The following TUNAR variants were observed in gnomAD, a reference collection of about 807,000 sequenced individuals.
TUNAR encodes the protein protein TUNAR.
chr14:95,905,994 A>G (rs1223106273), intron 2 of TUNAR, among the ~76,000 whole-genome samples: 1 of 152,200 alleles, frequency 6.6e-6, no homozygotes, highest in Non-Finnish European at 1.5e-5. Context: ...TTTGGCCATT[A>G]GAAGTTCCTT....
chr14:95,877,471 G>A (rs2139648553), intron 2 of TUNAR, among the ~76,000 whole-genome samples: 1 of 152,308 alleles, frequency 6.6e-6, no homozygotes, highest in African/African-American at 2.4e-5. Flanking sequence ...CTTAGCATTT[G>A]GGGGCAACAA....
rs1889241763 is a variant in TUNAR, at chr14:95,895,110, G to C, written c.12+17933G>C. The stretch of plus-strand genomic sequence containing the variant: ...GTTGTCTGCCAGGTAAGTGCAGGAA[G>C]TGCAGAACCTGCCTTGAAGCTGGAC... On this transcript the variant is annotated intron_variant, in intron 2 of 2. Coordinates refer to ENST00000678517, the Ensembl canonical transcript of TUNAR. This position sits in a 1 kb window ranked among gnomAD's most constrained non-coding sequence, Gnocchi z 4.5. Among the ~76,000 whole-genome samples the C allele has an allele frequency of 6.6e-6, 1 of 152,224 alleles. No homozygotes were observed. The highest frequency in any genetic ancestry group is 1.5e-5 in the Non-Finnish European group (1 of 68,036).
At chr14:95,920,497 G>A (rs1889679051) in intron 2 of TUNAR, among the ~76,000 whole-genome samples, 1 of 152,120 alleles carries the variant, frequency 6.6e-6, no homozygotes, top group Non-Finnish European at 1.5e-5. Context: ...ACCCACTGTA[G>A]GCCTATCTAG....
Position 95,909,786 on chromosome 14 carries a change from A to G in TUNAR, c.13-12995A>G, listed in dbSNP as rs373048682. On this transcript the variant is annotated intron_variant, in intron 2 of 2. Transcript: ENST00000678517. ...CAGGCCTGTCCTTCCAAAGGAGCTC[A>G]GTTTAGTGGGGAAAGACCCAAATCA... Among the ~76,000 whole-genome samples the G allele has an allele frequency of 2.6e-5, 4 of 152,192 alleles. No individual in the cohort carries two copies. In the East Asian group the frequency reaches 5.8e-4, roughly 22 times the overall value.
chr14:95,883,507 G>A (rs370286525), intron 2 of TUNAR, among the ~76,000 whole-genome samples: 12 of 152,372 alleles, frequency 7.9e-5, no homozygotes, highest in African/African-American at 2.9e-4. Context: ...CATTGAGGCT[G>A]CAGTGGTGGA....
chr14:95,915,504 C>T (rs1185089322), intron 2 of TUNAR, among the ~76,000 whole-genome samples: 1 of 152,202 alleles, frequency 6.6e-6, no homozygotes, highest in Non-Finnish European at 1.5e-5. Context: ...AGACCCATCC[C>T]CATGGCAGCT....
At chr14:95,918,040 G>A (rs567087762) in intron 2 of TUNAR, among the ~76,000 whole-genome samples, 70 of 152,346 alleles carry the variant, frequency 4.6e-4, no homozygotes, top group African/African-American at 1.7e-3. Flanking sequence ...ATAACCTTTA[G>A]CAAGCTTTAT....
intron 2 of TUNAR, among the ~76,000 whole-genome samples, chr14:95,884,079 G>T (rs768332624): frequency 3.3e-5 from 5 of 151,980 alleles, no homozygotes; most frequent in Non-Finnish European, 7.4e-5. Context: ...ACCCACCGCC[G>T]TGCTGTCCAA....
At chr14:95,905,436 T>C (rs556824451) in intron 2 of TUNAR, among the ~76,000 whole-genome samples, 11 of 152,310 alleles carry the variant, frequency 7.2e-5, no homozygotes, top group African/African-American at 2.4e-4. Flanking sequence ...TCAGCTATTT[T>C]CTTAAATGTC....
At chr14:95,910,252 C>G (rs1285311906) in intron 2 of TUNAR, among the ~76,000 whole-genome samples, 1 of 152,166 alleles carries the variant, frequency 6.6e-6, no homozygotes, top group African/African-American at 2.4e-5. Context: ...CACGGTGGCT[C>G]ACGCCTGTAA....
intron 2 of TUNAR, among the ~76,000 whole-genome samples, chr14:95,915,286 G>T (rs1268498387): frequency 6.6e-6 from 1 of 152,204 alleles, no homozygotes; most frequent in African/African-American, 2.4e-5. Context: ...ATATGGGGTA[G>T]TTCATGGGAT....
intron 2 of TUNAR, among the ~76,000 whole-genome samples, chr14:95,889,982 CAA>C: frequency 7.0e-6 from 1 of 143,478 alleles, no homozygotes; most frequent in African/African-American, 2.6e-5. Flanking sequence ...AAAAAACTGA[CAA>C]ATGATTCTAA....
intron 2 of TUNAR, among the ~76,000 whole-genome samples, chr14:95,919,146 G>A (rs1306973336): frequency 6.6e-6 from 1 of 152,178 alleles, no homozygotes; most frequent in Non-Finnish European, 1.5e-5. Context: ...TTTGTGCAAA[G>A]TTTGAGCTGT....
At chr14:95,916,362 A>C (rs773077491) in intron 2 of TUNAR, among the ~76,000 whole-genome samples, 1 of 152,308 alleles carries the variant, frequency 6.6e-6, no homozygotes, top group East Asian at 1.9e-4. Flanking sequence ...AACTTCCCAC[A>C]TAAGTGGGAA....
chr14:95,917,053 TAAAC>T (rs951421011), intron 2 of TUNAR, among the ~76,000 whole-genome samples: 15 of 152,368 alleles, frequency 9.8e-5, no homozygotes, highest in Admixed American at 5.9e-4. Context: ...ATTTTTTTGA[TAAAC>T]AGATATTGAA....
chr14:95,908,547 T>G (rs1889462199), intron 2 of TUNAR, among the ~76,000 whole-genome samples: 1 of 152,164 alleles, frequency 6.6e-6, no homozygotes, highest in South Asian at 2.1e-4. Context: ...TCTAACAACA[T>G]CATGAAGGAT....
intron 2 of TUNAR, among the ~76,000 whole-genome samples, chr14:95,917,914 ATTG>A (rs1173743028): frequency 6.6e-6 from 1 of 152,164 alleles, no homozygotes; most frequent in Non-Finnish European, 1.5e-5. Context: ...AGTTTAGAAT[ATTG>A]TTGTTACTCC....
At chr14:95,896,285 G>C (rs1889267752) in intron 2 of TUNAR, among the ~76,000 whole-genome samples, 1 of 152,176 alleles carries the variant, frequency 6.6e-6, no homozygotes, top group Non-Finnish European at 1.5e-5. Context: ...GCCAGGCAGG[G>C]TGTCAGGGTG....
At chr14:95,910,065 G>A (rs1038818224) in intron 2 of TUNAR, among the ~76,000 whole-genome samples, 4 of 152,116 alleles carry the variant, frequency 2.6e-5, no homozygotes, top group East Asian at 1.9e-4. Context: ...ATCGCAACTC[G>A]GTGTATGATC....
Sources: allele counts gnomAD v4.1 joint callset (sites outside exome capture counted in the v4.1 genomes callset), GRCh38; gene constraint gnomAD v4.1.1; non-coding constraint Gnocchi (gnomAD v3.1); transcripts MANE v1.5; gene names NCBI Gene and HGNC (gene_info 2026-07-23, HGNC 2026-07-21).